The following ZNF385D variants were observed in gnomAD, a reference collection of about 807,000 sequenced individuals.
The protein encoded by ZNF385D is zinc finger protein 659.
In ZNF385D, 15 loss-of-function variants were observed where a neutral mutation model predicts 35.8. That is an observed-to-expected ratio of 0.42 (90% CI 0.28 to 0.64). The LOEUF (loss-of-function observed/expected upper bound fraction) is 0.64. ZNF385D is among the 30% of genes least tolerant of loss of function. The pLI, the probability that ZNF385D is intolerant of heterozygous loss-of-function variation, is 0.23. For missense variants in ZNF385D, 474 were observed against 494.6 expected (o/e 0.96, Z 0.39); for synonymous variants, 212 against 186.8 (o/e 1.13, Z -1.10).
At chr3:22,256,168 T>C (rs1269354796) in intron 2 of ZNF385D, among the ~76,000 whole-genome samples, 2 of 146,068 alleles carry the variant, frequency 1.4e-5, no homozygotes, top group Non-Finnish European at 3.0e-5. Context: ...TCAGCATATA[T>C]ATACATATAC....
At chr3:21,500,895 G>T (rs957499579) in intron 4 of ZNF385D, among the ~76,000 whole-genome samples, 2 of 152,174 alleles carry the variant, frequency 1.3e-5, no homozygotes, top group African/African-American at 4.8e-5. Flanking sequence ...ATATACAAAT[G>T]CAGGCAATTA....
chr3:21,471,274 T>TTC (rs1292529107), intron 4 of ZNF385D, among the ~76,000 whole-genome samples: 5 of 104,820 alleles, frequency 4.8e-5, no homozygotes, highest in Admixed American at 9.9e-5. Flanking sequence ...CTCTCTCTCT[T>TTC]TCTCTCTCTC....
intron 3 of ZNF385D, among the ~76,000 whole-genome samples, chr3:21,804,323 C>A (rs1183785132): frequency 1.3e-5 from 2 of 152,084 alleles, no homozygotes; most frequent in East Asian, 3.8e-4. Flanking sequence ...ATTGAAAAGG[C>A]TAAATATATC....
Position 21,507,966 on chromosome 3 carries a change from C to G in ZNF385D, c.439+2895G>C, listed in dbSNP as rs372407920. Among the ~76,000 whole-genome samples, 5 of 152,108 alleles carry G rather than the reference C, an allele frequency of 3.3e-5. No individual in the cohort carries two copies. The East Asian group carries it at 5.8e-4, about 18-fold the overall frequency. On this transcript the variant is annotated intron_variant, in intron 4 of 7. Transcript: ENST00000281523. ...TGGCTCAAAATATCTGATGAGTGTG[C>G]TGGAACTCTTAGCCTCTCAACCTAT... is the stretch of plus-strand genomic sequence containing the variant.
chr3:21,553,460 C>A (rs2062630888), intron 3 of ZNF385D, among the ~76,000 whole-genome samples: 1 of 152,002 alleles, frequency 6.6e-6, no homozygotes, highest in South Asian at 2.1e-4. Flanking sequence ...ACAACGTGAA[C>A]CTTCAGCAAG....
At chr3:21,939,578 G>A (rs1701419661) in intron 3 of ZNF385D, among the ~76,000 whole-genome samples, 1 of 152,176 alleles carries the variant, frequency 6.6e-6, no homozygotes, top group African/African-American at 2.4e-5. Context: ...CCTAAATATA[G>A]TATAGAAGGA....
chr3:22,312,152 C>G (rs933973377), intron 2 of ZNF385D, among the ~76,000 whole-genome samples: 6 of 152,098 alleles, frequency 3.9e-5, no homozygotes, highest in Non-Finnish European at 8.8e-5. Flanking sequence ...GGAATTTGAG[C>G]CTCTTCCCTT....
intron 4 of ZNF385D, among the ~76,000 whole-genome samples, chr3:21,469,427 G>C (rs1441923223): frequency 6.6e-6 from 1 of 151,988 alleles, no homozygotes; most frequent in African/African-American, 2.4e-5. Flanking sequence ...TTTTTCTTTG[G>C]GAGCAAAATA....
intron 2 of ZNF385D, among the ~76,000 whole-genome samples, chr3:22,170,485 G>A (rs960904665): frequency 6.6e-6 from 1 of 152,134 alleles, no homozygotes; most frequent in African/African-American, 2.4e-5. Context: ...ATTCCAAAAT[G>A]AGTAAAAGGT....
intron 4 of ZNF385D, among the ~76,000 whole-genome samples, chr3:21,460,275 G>A (rs1332437920): frequency 6.6e-6 from 1 of 152,096 alleles, no homozygotes; most frequent in Non-Finnish European, 1.5e-5. Flanking sequence ...ATTTGAAGAA[G>A]ACTGCTTTTG....
chr3:22,217,049 C>T (rs1362023943), intron 2 of ZNF385D, among the ~76,000 whole-genome samples: 2 of 152,078 alleles, frequency 1.3e-5, no homozygotes, highest in Admixed American at 6.6e-5. Context: ...TCTGTTGGAG[C>T]AGCTAGCATT....
intron 3 of ZNF385D, among the ~76,000 whole-genome samples, chr3:21,761,859 C>T (rs1214686109): frequency 2.2e-5 from 3 of 136,236 alleles, no homozygotes; most frequent in Admixed American, 7.8e-5. Flanking sequence ...ATTTCAAGAG[C>T]ATTTTCTTCC....
At chr3:22,187,092 A>T (rs1015986993) in intron 2 of ZNF385D, among the ~76,000 whole-genome samples, 1 of 152,118 alleles carries the variant, frequency 6.6e-6, no homozygotes, top group Non-Finnish European at 1.5e-5. Flanking sequence ...AAACGAGGAG[A>T]TCACACAATC....
chr3:21,838,155 C>G (rs140463312), intron 3 of ZNF385D, among the ~76,000 whole-genome samples: 75 of 152,090 alleles, frequency 4.9e-4, no homozygotes, highest in African/African-American at 1.8e-3. Context: ...TTTGGAAGAA[C>G]AGGTATTGTT....
chr3:21,617,704 TG>T (rs1482590670), intron 2 of ZNF385D, among the ~76,000 whole-genome samples: 1 of 152,182 alleles, frequency 6.6e-6, no homozygotes, highest in Non-Finnish European at 1.5e-5. Flanking sequence ...CAAGGTCCTT[TG>T]TTGCACTGAT....
intron 2 of ZNF385D, among the ~76,000 whole-genome samples, chr3:22,253,402 G>C (rs17011105): frequency 0.048 from 7,341 of 152,050 alleles, 347 homozygotes; most frequent in African/African-American, 0.12. Context: ...TGCAGGTTTT[G>C]AATCTCAACT....
chr3:21,945,152 A>T (rs1007366991), intron 3 of ZNF385D, among the ~76,000 whole-genome samples: 3 of 141,712 alleles, frequency 2.1e-5, no homozygotes, highest in Non-Finnish European at 3.0e-5. Flanking sequence ...ATGCATATAT[A>T]TATACACACA....
intron 2 of ZNF385D, among the ~76,000 whole-genome samples, chr3:22,216,418 C>T (rs1052449634): frequency 6.6e-6 from 1 of 151,964 alleles, no homozygotes; most frequent in Non-Finnish European, 1.5e-5. Flanking sequence ...GTGGAATGTA[C>T]AGGAAACATT....
At chr3:22,218,268 C>T (rs998939663) in intron 2 of ZNF385D, among the ~76,000 whole-genome samples, 4 of 151,956 alleles carry the variant, frequency 2.6e-5, no homozygotes, top group African/African-American at 9.7e-5. Context: ...TCAGCATAGC[C>T]ATCTTATTCA....
Sources: allele counts gnomAD v4.1 joint callset (sites outside exome capture counted in the v4.1 genomes callset), GRCh38; gene constraint gnomAD v4.1.1; transcripts MANE v1.5; gene names NCBI Gene and HGNC (gene_info 2026-07-23, HGNC 2026-07-21).